Variants in FERMT1 observed in about 807,000 individuals in gnomAD.
FERMT1 encodes fermitin family homolog 1.
In FERMT1, 60 loss-of-function variants were observed where a neutral mutation model predicts 85.3. That is an observed-to-expected ratio of 0.70 (90% CI 0.57 to 0.87). The LOEUF is 0.87. Among genes scored for constraint, FERMT1 ranks in the 40% least tolerant of loss-of-function variants. The pLI, the probability that FERMT1 is intolerant of heterozygous loss-of-function variation, is 0.00. For synonymous variants in FERMT1, 275 were observed against 301.1 expected (o/e 0.91, Z 0.90); for missense variants, 701 against 818.9 (o/e 0.86, Z 1.76).
At chr20:6,077,751 G>T (rs1043711500) in intron 14 of FERMT1, among the ~76,000 whole-genome samples, 1 of 151,954 alleles carries the variant, frequency 6.6e-6, no homozygotes, top group East Asian at 1.9e-4. Flanking sequence ...CACGATCTCG[G>T]GCCACTGCAA....
Position 6,079,539 on chromosome 20 carries a change from GA to G in FERMT1, c.1756del (p.Ser586HisfsTer5), listed in dbSNP as rs1318979798. The G allele has an allele frequency of 1.9e-6, 3 of 1,613,864 alleles. No individual in the cohort carries two copies. Among genetic ancestry groups the G allele is most frequent in the Non-Finnish European group, 2.5e-6 (3 of 1,179,906 alleles). On this transcript the variant is annotated frameshift_variant, in exon 14 of 15. Coordinates refer to ENST00000217289, the MANE Select transcript of FERMT1 (RefSeq NM_017671.5). LOFTEE classifies it high-confidence loss of function. ...ATCAATTTTAATCAACCTGTTATAT[GA>G]AACTCCCAGAATGTCATCTTTTTTG... The part of the protein sequence containing the change: ...GSKKDDILGV[S>X]YNRLIKIDAA...
At chr20:6,090,392 T>C (rs923944374) in intron 9 of FERMT1, among the ~76,000 whole-genome samples, 2 of 152,022 alleles carry the variant, frequency 1.3e-5, no homozygotes, top group South Asian at 4.1e-4. Flanking sequence ...TTTTTAAACA[T>C]GTCAGTACTA....
intron 3 of FERMT1, among the ~76,000 whole-genome samples, chr20:6,114,211 C>T (rs541218384): frequency 8.9e-4 from 135 of 152,228 alleles, no homozygotes; most frequent in African/African-American, 3.2e-3. Flanking sequence ...TACACAAACT[C>T]GGTCATGAAT....
At chr20:6,090,938 C>T (rs886804345) in intron 9 of FERMT1, among the ~76,000 whole-genome samples, 1 of 151,856 alleles carries the variant, frequency 6.6e-6, no homozygotes, top group African/African-American at 2.4e-5. Flanking sequence ...CCGAGGCAGG[C>T]TGATCACTTG....
intron 13 of FERMT1, among the ~76,000 whole-genome samples, chr20:6,080,250 T>C (rs1981956202): frequency 6.6e-6 from 1 of 152,130 alleles, no homozygotes; most frequent in African/African-American, 2.4e-5. Flanking sequence ...AGCAAAGGTC[T>C]TGTAGGCCAC....
intron 11 of FERMT1, 42 bp from the exon 12 acceptor site, chr20:6,085,329 G>GC (rs1324742363): frequency 6.4e-7 from 1 of 1,560,680 alleles, no homozygotes; most frequent in African/African-American, 1.4e-5. Flanking sequence ...CAAGTGCAAA[G>GC]CCCCCTGCTG....
In FERMT1 at chr20:6,082,181, A is replaced by C. The variant is rs149961616; in HGVS notation, c.1718+1859T>G. Among the ~76,000 whole-genome samples the C allele has an allele frequency of 7.4e-3, 1,124 of 152,270 alleles. 14 individuals are homozygous for C. Among genetic ancestry groups the C allele is most frequent in the African/African-American group, 0.026 (1,076 of 41,558 alleles). ...ATAAACAGGTGTTAGAGATAGAGGGAGGTGCAGGGGGAAGTAGCTGGTAAA... is the reference window on the plus strand; with the variant it reads ...ATAAACAGGTGTTAGAGATAGAGGGCGGTGCAGGGGGAAGTAGCTGGTAAA... On this transcript the variant is annotated intron_variant, in intron 13 of 14. Transcript: ENST00000217289.
chr20:6,078,802 A>T (rs1220892941), intron 14 of FERMT1, among the ~76,000 whole-genome samples: 1 of 152,042 alleles, frequency 6.6e-6, no homozygotes, highest in African/African-American at 2.4e-5. Flanking sequence ...GCTGCCTCTA[A>T]CTTCATCTGG....
chr20:6,121,444 A>T (rs1400113310), intron 1 of FERMT1, among the ~76,000 whole-genome samples: 3 of 152,244 alleles, frequency 2.0e-5, no homozygotes, highest in Non-Finnish European at 2.9e-5. Context: ...TATAGTCAGA[A>T]GCATGCAACG....
chr20:6,110,298 C>G lies in FERMT1; in HGVS notation c.746G>C (p.Gly249Ala), dbSNP rs750303440. The G allele has an allele frequency of 1.9e-6, 3 of 1,610,656 alleles. No individual in the cohort carries two copies. The highest frequency in any genetic ancestry group is 2.5e-6 in the Non-Finnish European group (3 of 1,178,352). ...SLVDKAKLNA[G>A]WLDSSRSLME... ...GAAGTAAAAGGAGCCGTGTCCTTACCCTGCATTGAGCTTGGCTTTATCAAC... is the reference window on the plus strand; with the variant it reads ...GAAGTAAAAGGAGCCGTGTCCTTACGCTGCATTGAGCTTGGCTTTATCAAC... The change falls in exon 5 of 15, where the codon GGT (glycine) becomes GCT (alanine). Residue 249 changes from glycine to alanine, a missense_variant and splice_region_variant. By Grantham distance (60) the Gly-to-Ala change is moderately conservative. Coordinates refer to ENST00000217289, the MANE Select transcript of FERMT1 (RefSeq NM_017671.5).
At chr20:6,086,338 A>G (rs1982184568) in intron 11 of FERMT1, among the ~76,000 whole-genome samples, 1 of 152,116 alleles carries the variant, frequency 6.6e-6, no homozygotes, top group Non-Finnish European at 1.5e-5. Flanking sequence ...CTTGGTAAAG[A>G]CTCTAACTCT....
At chr20:6,084,592 A>G (rs1982107748) in intron 12 of FERMT1, among the ~76,000 whole-genome samples, 1 of 152,204 alleles carries the variant, frequency 6.6e-6, no homozygotes, top group South Asian at 2.1e-4. Context: ...CTCTAACAAA[A>G]TTAACAATAA....
chr20:6,079,772 C>T (rs6053883), intron 13 of FERMT1, among the ~76,000 whole-genome samples, 195 bp from the exon 14 acceptor site: 1 of 152,080 alleles, frequency 6.6e-6, no homozygotes, highest in Non-Finnish European at 1.5e-5. Flanking sequence ...GAAGGCTATC[C>T]TGCAGATGGT....
chr20:6,113,314 C>G (rs1014922310), intron 3 of FERMT1, among the ~76,000 whole-genome samples: 4 of 152,158 alleles, frequency 2.6e-5, no homozygotes, highest in Non-Finnish European at 5.9e-5. Context: ...GTAAATTGCC[C>G]AGTCTCAGAT....
At chr20:6,088,424 A>C (rs1228013061) in intron 10 of FERMT1, among the ~76,000 whole-genome samples, 1 of 152,186 alleles carries the variant, frequency 6.6e-6, no homozygotes, top group African/African-American at 2.4e-5. Flanking sequence ...ACCACATCAT[A>C]AACTCTGGAC....
intron 2 of FERMT1, among the ~76,000 whole-genome samples, chr20:6,118,620 G>C (rs577597909): frequency 1.3e-5 from 2 of 152,230 alleles, no homozygotes; most frequent in Non-Finnish European, 2.9e-5. Context: ...TAAATAGAAG[G>C]CAAAAGAAGC....
chr20:6,117,666 TCG>T, intron 2 of FERMT1, among the ~76,000 whole-genome samples: 1 of 152,312 alleles, frequency 6.6e-6, no homozygotes, highest in South Asian at 2.1e-4. Context: ...ACTCCTGACC[TCG>T]TGATCCACCC....
At chr20:6,077,447 G>T in intron 14 of FERMT1, 101 bp from the exon 15 acceptor site, 1 of 1,103,010 alleles carries the variant, frequency 9.1e-7, no homozygotes, top group Non-Finnish European at 1.4e-6. Flanking sequence ...CTGCTGAGGT[G>T]GATAACAGAT....
At position 6,107,753 on chromosome 20, in the gene FERMT1, A is replaced by G. The variant is rs796987272; in HGVS notation, c.747-119T>C. ...ATCCTTGAACAAAATCAGGGTATGT[A>G]ATACAGATTGAGTATCACTAATTTG... On this transcript the variant is annotated intron_variant, in intron 5 of 14. Coordinates refer to ENST00000217289, the MANE Select transcript of FERMT1 (RefSeq NM_017671.5). 1.6e-5 allele frequency: 10 copies of G among 610,114 alleles called. 1 individual carries two copies. In the African/African-American group the frequency reaches 1.8e-4, roughly 11 times the overall value. The allele number at this position is 610,114 out of a possible 1,614,324, so 37.8% of individuals were successfully genotyped here.
Sources: gnomAD v4.1 joint callset for allele counts (sites outside exome capture counted in the v4.1 genomes callset) on GRCh38, gnomAD v4.1.1 for gene constraint, MANE v1.5 for transcripts, NCBI Gene and HGNC (gene_info 2026-07-23, HGNC 2026-07-21) for gene names.